Variants in CDH23 observed in about 807,000 individuals in gnomAD.
CDH23 encodes cadherin related 23.
In CDH23, 189 loss-of-function variants were observed where a neutral mutation model predicts 317.1. That is an observed-to-expected ratio of 0.60 (90% CI 0.53 to 0.67). The LOEUF (loss-of-function observed/expected upper bound fraction) is 0.67. Ranked by LOEUF, CDH23 falls within the 30% of genes least tolerant of loss-of-function variation. The probability of loss-of-function intolerance (pLI) is 0.00; values close to 1 mark genes in which losing one functional copy is unlikely to be tolerated. For synonymous variants in CDH23, 1,839 were observed against 1,876.8 expected, an observed-to-expected ratio of 0.98 and a Z score of 0.52; for missense variants, 4,401 against 4,592.4, an observed-to-expected ratio of 0.96 and a Z score of 1.20.
chr10:71,810,541 G>T lies in CDH23; in HGVS notation c.9049G>T (p.Asp3017Tyr), dbSNP rs376545866. The T allele has an allele frequency of 5.0e-6, 8 of 1,613,850 alleles. No homozygotes were observed. The South Asian group carries it at 8.8e-5, about 18-fold the overall frequency. Residue 3017 changes from aspartate (D) to tyrosine (Y), a missense_variant, in exon 62 of 70, where the codon GAT (aspartate) becomes TAT (tyrosine). Asp to Tyr is a radical substitution (Grantham distance 160). Coordinates refer to ENST00000224721, the MANE Select transcript of CDH23 (RefSeq NM_022124.6). ...TELLIHVVNR[D>Y]TNRILDVDRV... ...ACTGCTTATCCACGTGGTGAACCGC[G>T]ATACCAACCGCATCCTGGACGTGGA...
chr10:71,610,064 G>A (rs145339101), intron 9 of CDH23, among the ~76,000 whole-genome samples: 355 of 151,956 alleles, frequency 2.3e-3, no homozygotes, highest in African/African-American at 8.3e-3. Context: ...GAGTTCAGTG[G>A]CATGATCTTG....
At chr10:71,531,352 T>A (rs895497341) in intron 6 of CDH23, among the ~76,000 whole-genome samples, 2 of 152,232 alleles carry the variant, frequency 1.3e-5, no homozygotes, top group Non-Finnish European at 2.9e-5. Flanking sequence ...ATTCCCTGCA[T>A]AAGGTCATAA....
At chr10:71,722,206 C>G (rs1866589952) in intron 28 of CDH23, among the ~76,000 whole-genome samples, 1 of 152,130 alleles carries the variant, frequency 6.6e-6, no homozygotes, top group Non-Finnish European at 1.5e-5. Context: ...TTTGGGAAGC[C>G]AAGGCGGGAG....
intron 22 of CDH23, among the ~76,000 whole-genome samples, chr10:71,697,682 A>C (rs538282834): frequency 4.6e-5 from 7 of 151,764 alleles, no homozygotes; most frequent in African/African-American, 1.7e-4. Context: ...AAAAAAAAAA[A>C]GGAAGCTCCC....
chr10:71,750,989 C>T, intron 38 of CDH23: 1 of 447,906 alleles, frequency 2.2e-6, no homozygotes, highest in Non-Finnish European at 4.0e-6. Context: ...AGTCATTTGG[C>T]ATCTGTAGCT....
At chr10:71,624,495 A>C (rs1327190411) in intron 11 of CDH23, among the ~76,000 whole-genome samples, 1 of 152,194 alleles carries the variant, frequency 6.6e-6, no homozygotes, top group Non-Finnish European at 1.5e-5. Context: ...GTCTATCAGG[A>C]TTAAATGGGT....
intron 6 of CDH23, among the ~76,000 whole-genome samples, chr10:71,553,427 C>A (rs1029972713): frequency 6.6e-6 from 1 of 152,222 alleles, no homozygotes; most frequent in African/African-American, 2.4e-5. Flanking sequence ...CACATCACAC[C>A]GCCTGAAGGG....
At position 71,562,493 on chromosome 10, in the gene CDH23, G is replaced by A. The variant is rs1857183988; in HGVS notation, c.430-4249G>A. ...TCCAGGAGTGGTGGCCTGGCACTTT[G>A]CTTGCTGTGGGCGCTAAAGAGGTAG... is the stretch of plus-strand genomic sequence containing the variant. On this transcript the variant is annotated intron_variant, in intron 6 of 69. Coordinates refer to ENST00000224721, the MANE Select transcript of CDH23 (RefSeq NM_022124.6). 2.0e-5 allele frequency among the ~76,000 whole-genome samples: 3 copies of A among 152,326 alleles called. 1 individual carries two copies. The South Asian group carries it at 6.2e-4, about 32-fold the overall frequency.
intron 36 of CDH23, among the ~76,000 whole-genome samples, chr10:71,740,351 A>G (rs1359067661): frequency 1.3e-5 from 2 of 152,232 alleles, no homozygotes; most frequent in African/African-American, 4.8e-5. Flanking sequence ...AGGCTCAGCC[A>G]TAGGGCGCCA....
Position 71,712,534 on chromosome 10 carries a change from T to C in CDH23, c.3221-131T>C, listed in dbSNP as rs923282265. 3.1e-6 allele frequency: 3 copies of C among 961,518 alleles called. No homozygotes were observed. In the African/African-American group the frequency reaches 4.9e-5, roughly 16 times the overall value. 59.6% of individuals were successfully genotyped at this position (961,518 alleles called of 1,614,324 possible). A position where few individuals can be genotyped will look rare whatever the true frequency, so the allele number is the denominator to read the frequency against. On this transcript the variant is annotated intron_variant, in intron 27 of 69. Transcript: ENST00000224721. ...CCTAAGCTAAAAAGGAAGTCACCCC[T>C]TGCAAAGGCTAGGGCAGATGGGGCG...
intron 19 of CDH23, among the ~76,000 whole-genome samples, chr10:71,689,282 G>C (rs895070593): frequency 6.6e-6 from 1 of 151,980 alleles, no homozygotes; most frequent in Non-Finnish European, 1.5e-5. Context: ...CTTCTAAAGA[G>C]AACCTCTGGG....
In CDH23 at chr10:71,492,760, G is replaced by A. The variant is rs113631570; in HGVS notation, c.146-17322G>A. Reference sequence around the variant, plus strand: ...CTGCCTTCAGGGCGCTCACAGTCACGTGAGAGATGTTGTCCAGAGGATCGA... The same window carrying A: ...CTGCCTTCAGGGCGCTCACAGTCACATGAGAGATGTTGTCCAGAGGATCGA... On this transcript the variant is annotated intron_variant, in intron 3 of 69. Transcript: ENST00000224721. Among the ~76,000 whole-genome samples the A allele has an allele frequency of 8.2e-3, 1,255 of 152,322 alleles. 23 individuals carry two copies. The highest frequency in any genetic ancestry group is 0.031 in the Middle Eastern group (9 of 294).
chr10:71,742,170 T>G (rs935374001), intron 38 of CDH23: 7 of 546,692 alleles, frequency 1.3e-5, no homozygotes, highest in Middle Eastern at 4.7e-4. Context: ...TGTTTAGTCC[T>G]CTTTTCTCTC....
intron 41 of CDH23, among the ~76,000 whole-genome samples, chr10:71,779,998 A>G (rs1400252123): frequency 2.0e-5 from 3 of 152,200 alleles, no homozygotes; most frequent in Non-Finnish European, 4.4e-5. Context: ...TCAGGCAAGG[A>G]GCCTTCGTGG....
intron 6 of CDH23, among the ~76,000 whole-genome samples, chr10:71,524,624 C>T (rs1018840447): frequency 1.3e-5 from 2 of 152,124 alleles, no homozygotes; most frequent in Non-Finnish European, 2.9e-5. Flanking sequence ...CTGTGTGACC[C>T]CACATGGAAA....
intron 28 of CDH23, among the ~76,000 whole-genome samples, chr10:71,719,251 G>A (rs975340186): frequency 6.6e-6 from 1 of 152,132 alleles, no homozygotes; most frequent in Non-Finnish European, 1.5e-5. Context: ...ACCAGCAAAG[G>A]CCAGCTAGTA....
At chr10:71,617,045 G>A (rs1861224947) in intron 10 of CDH23, among the ~76,000 whole-genome samples, 160 bp from the exon 11 acceptor site, 1 of 152,126 alleles carries the variant, frequency 6.6e-6, no homozygotes, top group African/African-American at 2.4e-5. Context: ...CTAAAATGGG[G>A]ATACTAATGA....
intron 11 of CDH23, among the ~76,000 whole-genome samples, chr10:71,620,413 C>T (rs935989702): frequency 2.0e-5 from 3 of 152,150 alleles, no homozygotes; most frequent in African/African-American, 7.2e-5. Context: ...GATGTAAGGC[C>T]GGAACCCCCC....
At chr10:71,813,469 G>T (rs2133010407) in intron 69 of CDH23, 121 bp downstream of exon 69, 2 of 861,788 alleles carry the variant, frequency 2.3e-6, no homozygotes, top group East Asian at 5.4e-5. Flanking sequence ...ACCAAAGACA[G>T]CAATGGGTGG....
Sources: allele counts gnomAD v4.1 joint callset (sites outside exome capture counted in the v4.1 genomes callset), GRCh38; gene constraint gnomAD v4.1.1; transcripts MANE v1.5; gene names NCBI Gene and HGNC (gene_info 2026-07-23, HGNC 2026-07-21).